The following KIF15 variants were observed in gnomAD, a reference collection of about 807,000 sequenced individuals.
The protein encoded by KIF15 is kinesin family member 15, also known as kinesin-like protein KIF15.
Under a neutral mutation model 190.6 loss-of-function variants are expected in KIF15, and 140 were observed. The observed-to-expected ratio is 0.73, with a 90% CI of 0.64 to 0.84. The LOEUF (loss-of-function observed/expected upper bound fraction) is 0.84. KIF15 is among the 40% of genes least tolerant of loss of function. The pLI, the probability that KIF15 is intolerant of heterozygous loss-of-function variation, is 0.00. For missense variants in KIF15, 1,372 were observed against 1,584.4 expected (o/e 0.87, Z 2.28); for synonymous variants, 528 against 551.3 (o/e 0.96, Z 0.59).
Position 44,795,826 on chromosome 3 carries a change from G to A in KIF15, c.849+1400G>A, listed in dbSNP as rs558967625. 1.1e-4 allele frequency among the ~76,000 whole-genome samples: 17 copies of A among 152,092 alleles called. No homozygotes were observed. In the South Asian group the frequency reaches 2.1e-3, roughly 19 times the overall value. On this transcript the variant is annotated intron_variant, in intron 8 of 34. Coordinates refer to ENST00000326047, the MANE Select transcript of KIF15 (RefSeq NM_020242.3). ...TTCATTAAAAGTGAGGATTTGAGTC[G>A]CCTGACCTACATTTGAGGCAGTTTC...
intron 4 of KIF15, among the ~76,000 whole-genome samples, chr3:44,779,823 A>G (rs1281589768): frequency 4.0e-5 from 1 of 25,228 alleles, no homozygotes; most frequent in Admixed American, 4.4e-4. Context: ...GACAGAGTGA[A>G]AAAAAAAAAA....
chr3:44,843,512 T>A (rs1053970541), intron 30 of KIF15, among the ~76,000 whole-genome samples: 42 of 152,270 alleles, frequency 2.8e-4, no homozygotes, highest in East Asian at 3.9e-4. Context: ...TTAAAAAAAT[T>A]TTTTTAAGGT....
At chr3:44,849,321 C>T (rs1698979149) in intron 32 of KIF15, among the ~76,000 whole-genome samples, 1 of 152,118 alleles carries the variant, frequency 6.6e-6, no homozygotes, top group African/African-American at 2.4e-5. Flanking sequence ...AATATAGTGA[C>T]ATTTGAAAAT....
intron 7 of KIF15, among the ~76,000 whole-genome samples, chr3:44,788,744 C>T (rs1706530440): frequency 6.6e-6 from 1 of 152,146 alleles, no homozygotes; most frequent in Admixed American, 6.6e-5. Context: ...CTGCACCTGG[C>T]CCTATTCTCT....
At chr3:44,776,245 T>C (rs967930195) in intron 3 of KIF15, among the ~76,000 whole-genome samples, 3 of 151,856 alleles carry the variant, frequency 2.0e-5, no homozygotes, top group Non-Finnish European at 2.9e-5. Context: ...GCCTTCTTTT[T>C]TTTTTTTCCC....
At chr3:44,846,585 T>A (rs1323191730) in intron 30 of KIF15, among the ~76,000 whole-genome samples, 2 of 152,038 alleles carry the variant, frequency 1.3e-5, no homozygotes, top group East Asian at 3.9e-4. Context: ...CCAGCCTGAC[T>A]AACATGGTGA....
chr3:44,843,521 G>A (rs1203154346), intron 30 of KIF15, among the ~76,000 whole-genome samples: 7 of 152,180 alleles, frequency 4.6e-5, no homozygotes, highest in Admixed American at 4.6e-4. Context: ...TTTTTTTAAG[G>A]TATATATAAT....
intron 20 of KIF15, among the ~76,000 whole-genome samples, chr3:44,821,490 G>T (rs558973332): frequency 1.2e-3 from 185 of 152,088 alleles, no homozygotes; most frequent in African/African-American, 4.2e-3. Context: ...CAGACGGGGC[G>T]GCGGGGCAGA....
intron 26 of KIF15, among the ~76,000 whole-genome samples, chr3:44,833,838 A>G (rs1698184566): frequency 6.6e-6 from 1 of 152,224 alleles, no homozygotes; most frequent in South Asian, 2.1e-4. Context: ...AAATAGTTTT[A>G]GCAAGCCAAT....
intron 6 of KIF15, 37 bp downstream of exon 6, chr3:44,784,979 GTCT>G: frequency 8.9e-7 from 1 of 1,119,314 alleles, no homozygotes; most frequent in Admixed American, 2.3e-5. Context: ...TCTATGAAAT[GTCT>G]AATTTTGAAT....
rs140855457 is a variant in KIF15 at position 44,794,607 on chromosome 3, A to G, written c.849+181A>G. ...TGTAGGCTATACCATCTCGGTTTGC[A>G]TAAGTATATTCTATGATGCCCACAA... On this transcript the variant is annotated intron_variant, in intron 8 of 34. Coordinates refer to ENST00000326047, the MANE Select transcript of KIF15 (RefSeq NM_020242.3). 1.6e-3 allele frequency among the ~76,000 whole-genome samples: 244 copies of G among 152,280 alleles called. 1 individual carries two copies. The highest frequency in any genetic ancestry group is 3.4e-3 in the Middle Eastern group (1 of 294).
intron 20 of KIF15, 66 bp from the exon 21 acceptor site, chr3:44,825,973 A>G: frequency 7.2e-7 from 1 of 1,390,758 alleles, no homozygotes; most frequent in South Asian, 1.3e-5. Flanking sequence ...TGAACTGCAG[A>G]TGATCTGATT....
At chr3:44,819,401 T>C (rs1403770721) in intron 20 of KIF15, among the ~76,000 whole-genome samples, 1 of 152,238 alleles carries the variant, frequency 6.6e-6, no homozygotes, top group Non-Finnish European at 1.5e-5. Context: ...AATTTCCCTC[T>C]ACACACTGCT....
At chr3:44,790,177 T>C (rs1228027491) in intron 7 of KIF15, among the ~76,000 whole-genome samples, 3 of 152,176 alleles carry the variant, frequency 2.0e-5, no homozygotes, top group Non-Finnish European at 2.9e-5. Flanking sequence ...TCATATACTT[T>C]ATGACATTTT....
intron 7 of KIF15, among the ~76,000 whole-genome samples, chr3:44,787,579 C>A (rs1333560566): frequency 6.6e-6 from 1 of 152,096 alleles, no homozygotes; most frequent in South Asian, 2.1e-4. Context: ...TGTATACATA[C>A]ATACTCAAAA....
intron 26 of KIF15, among the ~76,000 whole-genome samples, chr3:44,834,726 C>A (rs1698223953): frequency 6.6e-6 from 1 of 150,768 alleles, no homozygotes; most frequent in Non-Finnish European, 1.5e-5. Flanking sequence ...AGATCGAGAC[C>A]ATCCTGGTTA....
At chr3:44,761,958 A>G (rs1342164681) in intron 1 of KIF15, 74 bp downstream of exon 1, 3 of 1,595,994 alleles carry the variant, frequency 1.9e-6, no homozygotes, top group African/African-American at 2.7e-5. Flanking sequence ...GCAGCCTCGG[A>G]CCGCCCGCAA....
intron 24 of KIF15, among the ~76,000 whole-genome samples, 186 bp from the exon 25 acceptor site, chr3:44,829,778 TATATATA>T (rs1231360703): frequency 3.9e-4 from 55 of 140,334 alleles, no homozygotes; most frequent in African/African-American, 1.4e-3. Flanking sequence ...TATAGATGTA[TATATATA>T]ATATATGCAT....
At chr3:44,857,902 A>G (rs1330819253), downstream of KIF15, among the ~76,000 whole-genome samples, 1 of 152,198 alleles carries the variant, frequency 6.6e-6, no homozygotes, top group Non-Finnish European at 1.5e-5. Flanking sequence ...AAGGAGCAGG[A>G]GGGTGTCCTG....
Sources: allele counts gnomAD v4.1 joint callset (sites outside exome capture counted in the v4.1 genomes callset), GRCh38; gene constraint gnomAD v4.1.1; transcripts MANE v1.5; gene names NCBI Gene and HGNC (gene_info 2026-07-23, HGNC 2026-07-21).